ST3GAL3: variants seen among roughly 807,000 people sequenced by gnomAD.
The protein encoded by ST3GAL3 is ST3 beta-galactoside alpha-2,3-sialyltransferase 3.
In ST3GAL3, 21 loss-of-function variants were observed where a neutral mutation model predicts 50.1. That is an observed-to-expected ratio of 0.42 (90% CI 0.30 to 0.60). The LOEUF (loss-of-function observed/expected upper bound fraction) is 0.60, where lower values mean the gene tolerates loss of function less well. Among genes scored for constraint, ST3GAL3 ranks in the 20% least tolerant of loss-of-function variants. The pLI is 0.19. For missense variants in ST3GAL3, 353 were observed against 489.4 expected (o/e 0.72, Z 2.63); for synonymous variants, 183 against 190.0 (o/e 0.96, Z 0.30).
intron 2 of ST3GAL3, among the ~76,000 whole-genome samples, chr1:43,781,848 A>G (rs932366647): frequency 6.6e-6 from 1 of 152,124 alleles, no homozygotes; most frequent in South Asian, 2.1e-4. Context: ...AAATAAATCT[A>G]TTGGGCAATC....
chr1:43,905,215 G>GT, intron 9 of ST3GAL3, among the ~76,000 whole-genome samples: 2 of 46,826 alleles, frequency 4.3e-5, no homozygotes, highest in Non-Finnish European at 4.0e-5. Context: ...CCCTCCTCCT[G>GT]TTCCTCTTCC....
rs1558604828 is a variant in ST3GAL3 at position 43,857,566 on chromosome 1, TCTTTCTTTCCTTCCTCCCTC to T, written c.302+19257_302+19276del. ...CCCTCCCTTCCTTCCTTTCCTTCCTTCTTTCTTTCCTTCCTCCCTCCCTTCCTTCCTTCCTTCCTTCCTTC... is the reference window on the plus strand; with the variant it reads ...CCCTCCCTTCCTTCCTTTCCTTCCTTCCTTCCTTCCTTCCTTCCTTCCTTC... On this transcript the variant is annotated intron_variant, in intron 5 of 11. Coordinates refer to ENST00000347631, the MANE Select transcript of ST3GAL3 (RefSeq NM_006279.5). Among the ~76,000 whole-genome samples, 17 of 65,064 alleles carry T rather than the reference TCTTTCTTTCCTTCCTCCCTC, an allele frequency of 2.6e-4. 2 individuals carry two copies. Among genetic ancestry groups the T allele is most frequent in the East Asian group, 6.6e-4 (1 of 1,514 alleles). 42.7% of individuals were successfully genotyped at this position (65,064 alleles called of 152,430 possible). A position where few individuals can be genotyped will look rare whatever the true frequency, so the allele number is the denominator to read the frequency against.
chr1:43,730,617 C>T (rs116429480), intron 1 of ST3GAL3, among the ~76,000 whole-genome samples: 2,947 of 139,058 alleles, frequency 0.021, 43 homozygotes, highest in Middle Eastern at 0.05. Context: ...GTTGCCCAGG[C>T]GGGGGTGTAG....
intron 5 of ST3GAL3, among the ~76,000 whole-genome samples, chr1:43,858,892 G>A (rs1261322324): frequency 6.6e-6 from 1 of 152,224 alleles, no homozygotes; most frequent in Non-Finnish European, 1.5e-5. Context: ...GTCTATGCCT[G>A]CCTGCCATGA....
At chr1:43,765,782 T>C (rs199739212) in intron 2 of ST3GAL3, among the ~76,000 whole-genome samples, 3,796 of 139,368 alleles carry the variant, frequency 0.027, 52 homozygotes, top group African/African-American at 0.039. Context: ...TGTGTGTGTG[T>C]GTGCGCGCGC....
intron 2 of ST3GAL3, among the ~76,000 whole-genome samples, chr1:43,786,309 T>A (rs930108955): frequency 6.6e-6 from 1 of 152,214 alleles, no homozygotes; most frequent in African/African-American, 2.4e-5. Context: ...TTCTGCGGCC[T>A]GTACACCCTC....
chr1:43,894,340 C>A, intron 5 of ST3GAL3, 43 bp from the exon 6 acceptor site: 1 of 1,592,670 alleles, frequency 6.3e-7, no homozygotes, highest in Non-Finnish European at 8.6e-7. Context: ...GTAATCCAGA[C>A]TGTTGCGTTT....
intron 9 of ST3GAL3, among the ~76,000 whole-genome samples, chr1:43,906,572 T>TCCC (rs200594816): frequency 7.5e-6 from 1 of 133,616 alleles, no homozygotes; most frequent in African/African-American, 2.9e-5. Flanking sequence ...CCACTCTTCC[T>TCCC]CCTCCTCCTG....
Position 43,930,139 on chromosome 1 carries a change from C to T in ST3GAL3, c.1046C>T (p.Thr349Met), listed in dbSNP as rs1201878175. Residue 349 changes from threonine to methionine, a missense_variant, in exon 12 of 12, where the codon ACG becomes ATG. Coordinates refer to ENST00000347631, the MANE Select transcript of ST3GAL3 (RefSeq NM_006279.5). ...VRMAAIKESW[T>M]HNIQREKEFL... Reference sequence around the variant, plus strand: ...CTTCATCTCTCCTTTCAGTCCTGGACGCACAATATCCAGCGAGAGAAAGAG... The same window carrying T: ...CTTCATCTCTCCTTTCAGTCCTGGATGCACAATATCCAGCGAGAGAAAGAG... The T allele has an allele frequency of 2.5e-6, 4 of 1,614,008 alleles. No homozygotes were observed. Among genetic ancestry groups the T allele is most frequent in the Non-Finnish European group, 3.4e-6 (4 of 1,180,008 alleles).
chr1:43,757,194 C>A (rs909661610), intron 2 of ST3GAL3, among the ~76,000 whole-genome samples: 1 of 152,086 alleles, frequency 6.6e-6, no homozygotes, highest in Non-Finnish European at 1.5e-5. Flanking sequence ...CATGAAGCAC[C>A]GCACCTGGCC....
intron 5 of ST3GAL3, among the ~76,000 whole-genome samples, chr1:43,851,787 T>C (rs2067356955): frequency 6.6e-6 from 1 of 152,048 alleles, no homozygotes; most frequent in Non-Finnish European, 1.5e-5. Flanking sequence ...CTAGCCTCAG[T>C]CCCACGCCGC....
intron 3 of ST3GAL3, among the ~76,000 whole-genome samples, chr1:43,797,838 A>G (rs1036922039): frequency 2.0e-5 from 3 of 152,224 alleles, no homozygotes. Flanking sequence ...AGGAAATCCC[A>G]AGGAATCTAC....
At chr1:43,796,042 C>G (rs1214152649) in intron 3 of ST3GAL3, among the ~76,000 whole-genome samples, 1 of 152,158 alleles carries the variant, frequency 6.6e-6, no homozygotes, top group Non-Finnish European at 1.5e-5. Context: ...AAGAGTTGTT[C>G]CCTCATGCCC....
intron 2 of ST3GAL3, among the ~76,000 whole-genome samples, chr1:43,765,187 C>G (rs1321995452): frequency 1.3e-5 from 2 of 152,132 alleles, no homozygotes; most frequent in Non-Finnish European, 1.5e-5. Flanking sequence ...CTACCTAATT[C>G]ATTTAGGGCC....
chr1:43,930,235 A>T lies in ST3GAL3; in HGVS notation c.*14A>T, dbSNP rs183204536. On this transcript the variant is annotated 3_prime_UTR_variant, in exon 12 of 12. Coordinates refer to ENST00000347631, the MANE Select transcript of ST3GAL3 (RefSeq NM_006279.5). The stretch of plus-strand genomic sequence containing the variant: ...AGTGGCATCTGAGTGGGCCCAGCAC[A>T]TGGCCATAGAGGCCCAGGCACCACC... 6.7e-5 allele frequency: 108 copies of T among 1,612,072 alleles called. 1 individual carries two copies. The Middle Eastern group carries it at 1.1e-3, about 17-fold the overall frequency.
At chr1:43,799,873 T>C (rs886241549) in intron 3 of ST3GAL3, among the ~76,000 whole-genome samples, 4 of 152,342 alleles carry the variant, frequency 2.6e-5, no homozygotes, top group East Asian at 1.9e-4. Context: ...TGCCCTGGGA[T>C]GGCCCGGACA....
intron 2 of ST3GAL3, among the ~76,000 whole-genome samples, chr1:43,757,382 GT>G (rs1688525484): frequency 6.6e-6 from 1 of 152,130 alleles, no homozygotes; most frequent in African/African-American, 2.4e-5. Flanking sequence ...AAGTTGGAGG[GT>G]TTACATTACC....
At chr1:43,887,673 G>A (rs148156700) in intron 5 of ST3GAL3, among the ~76,000 whole-genome samples, 18 of 152,296 alleles carry the variant, frequency 1.2e-4, no homozygotes, top group Non-Finnish European at 1.3e-4. Context: ...TTGGGTTTGC[G>A]TAGAATATGA....
At chr1:43,820,459 T>C (rs532873758) in intron 4 of ST3GAL3, among the ~76,000 whole-genome samples, 1 of 152,176 alleles carries the variant, frequency 6.6e-6, no homozygotes, top group East Asian at 1.9e-4. Context: ...AAGTGAGACC[T>C]AATCAAAATA....
Sources: allele counts gnomAD v4.1 joint callset (sites outside exome capture counted in the v4.1 genomes callset), GRCh38; gene constraint gnomAD v4.1.1; transcripts MANE v1.5; gene names NCBI Gene and HGNC (gene_info 2026-07-23, HGNC 2026-07-21).